The following ITPR3 variants were observed in gnomAD, a reference collection of about 807,000 sequenced individuals.
ITPR3 encodes inositol 1,4,5-trisphosphate-gated calcium channel ITPR3.
A neutral mutation model predicts 293.2 loss-of-function variants in ITPR3; 173 were observed. The ratio of observed to expected loss-of-function variants is 0.59; its 90% CI spans 0.52 to 0.67. The LOEUF is 0.67. Ranked by LOEUF, ITPR3 falls within the 30% of genes least tolerant of loss-of-function variation. The pLI is 0.00. For synonymous variants in ITPR3, 1,295 were observed against 1,444.4 expected, an observed-to-expected ratio of 0.90 and a Z score of 2.35; for missense variants, 2,796 against 3,592.1, an observed-to-expected ratio of 0.78 and a Z score of 5.66.
intron 1 of ITPR3, among the ~76,000 whole-genome samples, chr6:33,639,541 G>C (rs1482072612): frequency 6.6e-6 from 1 of 152,198 alleles, no homozygotes; most frequent in African/African-American, 2.4e-5. Flanking sequence ...CAAGCCCCTT[G>C]CTGGCAAGTT....
chr6:33,675,012 G>A lies in ITPR3; in HGVS notation c.3117-679G>A, dbSNP rs958725990. On this transcript the variant is annotated intron_variant, in intron 24 of 57. Transcript: ENST00000605930. This position sits in a 1 kb window ranked among gnomAD's most constrained non-coding sequence, Gnocchi z 5.0. ...ATATTTCCTCACTGAAGGAAATGCT[G>A]TATTTTGGTTAGAGGTTGGGAAAAA... Among the ~76,000 whole-genome samples, 1 of 152,170 alleles carries A rather than the reference G, an allele frequency of 6.6e-6. No homozygotes were observed. Among genetic ancestry groups the A allele is most frequent in the Non-Finnish European group, 1.5e-5 (1 of 68,026 alleles).
Position 33,638,157 on chromosome 6 carries a change from C to T in ITPR3, c.90-2327C>T, listed in dbSNP as rs543461856. Among the ~76,000 whole-genome samples, 295 of 152,188 alleles carry T rather than the reference C, an allele frequency of 1.9e-3. 2 individuals carry two copies. Among genetic ancestry groups the T allele is most frequent in the African/African-American group, 6.8e-3 (281 of 41,510 alleles). ...TGTAGCTGGGATTACAGGCGCGCAC[C>T]GCCACGCCCAGCTAATTTTTGTATT... On this transcript the variant is annotated intron_variant, in intron 1 of 57. Transcript: ENST00000605930. This position sits in a 1 kb window ranked among gnomAD's most constrained non-coding sequence, Gnocchi z 4.3.
Position 33,687,626 on chromosome 6 carries a change from C to T in ITPR3, c.6264+62C>T. ...CCTGGAACCCAGGGAGGACACTTGA[C>T]CCAAGGGCGTGGCCTGGAACAGAGT... On this transcript the variant is annotated intron_variant, in intron 46 of 57. Coordinates refer to ENST00000605930, the MANE Select transcript of ITPR3 (RefSeq NM_002224.4). The surrounding 1 kb of genome is among the most constrained non-coding windows in gnomAD (Gnocchi z 5.3). 1 of 1,354,578 alleles carries T rather than the reference C, an allele frequency of 7.4e-7. No individual in the cohort carries two copies. Among genetic ancestry groups the T allele is most frequent in the Non-Finnish European group, 1.0e-6 (1 of 960,800 alleles). 83.9% of individuals were successfully genotyped at this position (1,354,578 alleles called of 1,614,324 possible).
At chr6:33,623,326 G>GTT (rs60711686) in intron 1 of ITPR3, among the ~76,000 whole-genome samples, 65 of 137,408 alleles carry the variant, frequency 4.7e-4, no homozygotes, top group African/African-American at 5.2e-4. Flanking sequence ...TGTGAGTTTT[G>GTT]TTTTTTTTTT....
intron 2 of ITPR3, 102 bp downstream of exon 2, chr6:33,640,656 G>T: frequency 1.0e-6 from 1 of 976,018 alleles, no homozygotes; most frequent in Non-Finnish European, 1.5e-6. Context: ...GGCTGGATTA[G>T]ATGTGGCGCT....
In ITPR3 at chr6:33,624,507, A is replaced by T. The variant is rs1488546602; in HGVS notation, c.89+2816A>T. 6.6e-6 allele frequency among the ~76,000 whole-genome samples: 1 copy of T among 152,186 alleles called. No individual in the cohort carries two copies. The highest frequency in any genetic ancestry group is 1.5e-5 in the Non-Finnish European group (1 of 68,038). The stretch of plus-strand genomic sequence containing the variant: ...GAATGAGAATCTGCATTTTATTAAG[A>T]TCCCCAGGGGACTGGTGCATTAAAG... On this transcript the variant is annotated intron_variant, in intron 1 of 57. Coordinates refer to ENST00000605930, the MANE Select transcript of ITPR3 (RefSeq NM_002224.4). The surrounding 1 kb of genome is among the most constrained non-coding windows in gnomAD (Gnocchi z 4.7).
At chr6:33,671,050 C>G in intron 20 of ITPR3, 115 bp from the exon 21 acceptor site, 2 of 1,512,660 alleles carry the variant, frequency 1.3e-6, no homozygotes, top group Non-Finnish European at 1.8e-6. Context: ...CTGGGAACCC[C>G]GTCCTCATGA....
At chr6:33,653,597 C>CA (rs1392217163) in intron 2 of ITPR3, among the ~76,000 whole-genome samples, 1 of 152,054 alleles carries the variant, frequency 6.6e-6, no homozygotes, top group African/African-American at 2.4e-5. Context: ...TAAATCCATG[C>CA]AAAAAAATTT....
chr6:33,680,315 C>T lies in ITPR3; in HGVS notation c.4225-14C>T, dbSNP rs80110068. The T allele has an allele frequency of 1.4e-4, 227 of 1,609,696 alleles. 1 individual carries two copies. The African/African-American group carries it at 2.4e-3, about 17-fold the overall frequency. ...GGCCCTGCTTGCGCCCCTGACCTCC[C>T]GCCCACTGCCCAGGTGAAAATGGCC... On this transcript the variant is annotated splice_polypyrimidine_tract_variant and intron_variant, in intron 31 of 57. Coordinates refer to ENST00000605930, the MANE Select transcript of ITPR3 (RefSeq NM_002224.4).
chr6:33,623,499 T>C (rs997636559), intron 1 of ITPR3, among the ~76,000 whole-genome samples: 1 of 151,804 alleles, frequency 6.6e-6, no homozygotes, highest in South Asian at 2.1e-4. Context: ...CTAATTTTTG[T>C]ATTTTTTTTG....
intron 1 of ITPR3, among the ~76,000 whole-genome samples, chr6:33,626,056 G>A (rs776575541): frequency 1.4e-4 from 22 of 151,954 alleles, no homozygotes; most frequent in Admixed American, 4.6e-4. Context: ...CAACTCAGCC[G>A]CCCGAGTAGC....
intron 24 of ITPR3, 85 bp downstream of exon 24, chr6:33,674,350 G>A (rs1342835704): frequency 1.5e-6 from 2 of 1,338,844 alleles, no homozygotes; most frequent in African/African-American, 1.4e-5. Context: ...CCTGGGCTGG[G>A]GGCTGGCTCT....
chr6:33,678,759 C>A lies in ITPR3; in HGVS notation c.3892C>A (p.Gln1298Lys). The A allele has an allele frequency of 6.2e-7, 1 of 1,613,552 alleles. No individual in the cohort carries two copies. Among genetic ancestry groups the A allele is most frequent in the African/African-American group, 1.3e-5 (1 of 75,032 alleles). ...HLLATHGRHV[Q>K]YLDFLHTVIK... Reference sequence around the variant, plus strand: ...GCTGGCCACGCACGGGCGCCATGTGCAGTACCTGGACTTCCTGCACACCGT... The same window carrying A: ...GCTGGCCACGCACGGGCGCCATGTGAAGTACCTGGACTTCCTGCACACCGT... Residue 1298 changes from glutamine (Q) to lysine (K), a missense_variant, in exon 30 of 58, where the codon CAG becomes AAG. Coordinates refer to ENST00000605930, the MANE Select transcript of ITPR3 (RefSeq NM_002224.4).
intron 49 of ITPR3, 128 bp from the exon 50 acceptor site, chr6:33,689,109 TA>T: frequency 8.8e-7 from 1 of 1,131,932 alleles, no homozygotes; most frequent in Non-Finnish European, 1.3e-6. Flanking sequence ...TGGAGGAGGC[TA>T]AAACCAGGCA....
rs764845949 is a variant in ITPR3 at position 33,672,033 on chromosome 6, G to T, written c.2733G>T (p.Lys911Asn). ...MLQAYEDPGG[K>N]NVRRSIQGVG... Reference sequence around the variant, plus strand: ...CCTCTGCTTCCCCCTCCACAGGCAAGAATGTGCGGCGGTCCATCCAGGGCG... The same window carrying T: ...CCTCTGCTTCCCCCTCCACAGGCAATAATGTGCGGCGGTCCATCCAGGGCG... Residue 911 changes from lysine (K) to asparagine (N), a missense_variant, in exon 22 of 58, where the codon AAG becomes AAT. By Grantham distance (94) the Lys-to-Asn change is moderately conservative. Around this residue, in one of 8 missense-constraint regions of ITPR3, gnomAD observed 955 missense variants for 1,180.8 expected, o/e 0.81. Coordinates refer to ENST00000605930, the MANE Select transcript of ITPR3 (RefSeq NM_002224.4). The surrounding 1 kb of genome is among the most constrained non-coding windows in gnomAD (Gnocchi z 5.0). 4 of 1,600,290 alleles carry T rather than the reference G, an allele frequency of 2.5e-6. No individual in the cohort carries two copies.
At position 33,632,263 on chromosome 6, in the gene ITPR3, C is replaced by A. The variant is rs1055666147; in HGVS notation, c.90-8221C>A. 4.6e-5 allele frequency among the ~76,000 whole-genome samples: 7 copies of A among 152,118 alleles called. No individual in the cohort carries two copies. The highest frequency in any genetic ancestry group is 8.8e-5 in the Non-Finnish European group (6 of 68,014). On this transcript the variant is annotated intron_variant, in intron 1 of 57. Transcript: ENST00000605930. This position sits in a 1 kb window ranked among gnomAD's most constrained non-coding sequence, Gnocchi z 4.1. ...GGGGGGAGGGTTGTTCAGGGTCCCT[C>A]GGGGATTTCCCCAGTCTGTCATTCC...
Position 33,688,341 on chromosome 6 carries a change from G to A in ITPR3, c.6478G>A (p.Glu2160Lys), listed in dbSNP as rs369789046. The change falls in exon 48 of 58, where the codon GAG becomes AAG. Residue 2160 changes from glutamate to lysine, a missense_variant. Glu to Lys is a moderately conservative substitution (Grantham distance 56). This residue lies in a region of ITPR3 where 568 missense variants were observed against 796.1 expected (regional missense o/e 0.71). Coordinates refer to ENST00000605930, the MANE Select transcript of ITPR3 (RefSeq NM_002224.4). ...ETKHRLFTTT[E>K]QDEQGSKVSD... ...CAAGCACCGGCTCTTCACCACTACT[G>A]AGCAGGACGAGCAGGGCAGCAAAGT... 1 of 1,613,950 alleles carries A rather than the reference G, an allele frequency of 6.2e-7. No homozygotes were observed. Among genetic ancestry groups the A allele is most frequent in the African/African-American group, 1.3e-5 (1 of 74,986 alleles).
At chr6:33,659,216 C>T (rs1386452119) in intron 6 of ITPR3, 97 bp downstream of exon 6, 15 of 1,173,438 alleles carry the variant, frequency 1.3e-5, no homozygotes, top group Admixed American at 1.8e-5. Context: ...TGCCTCCAGC[C>T]CCATCTGACC....
Position 33,621,788 on chromosome 6 carries a change from G to A in ITPR3, c.89+97G>A, listed in dbSNP as rs1470220046. On this transcript the variant is annotated intron_variant, in intron 1 of 57. Transcript: ENST00000605930. This position sits in a 1 kb window ranked among gnomAD's most constrained non-coding sequence, Gnocchi z 7.7. The stretch of plus-strand genomic sequence containing the variant: ...GTCCAGCCGCCGCCCCCCGATAGAG[G>A]CCTGGACGTCCCCCTAGTCTCAAGG... 1 of 851,518 alleles carries A rather than the reference G, an allele frequency of 1.2e-6. No individual in the cohort carries two copies. Among genetic ancestry groups the A allele is most frequent in the East Asian group, 2.7e-5 (1 of 36,640 alleles). 52.7% of individuals were successfully genotyped at this position (851,518 alleles called of 1,614,324 possible).
Sources: allele counts gnomAD v4.1 joint callset (sites outside exome capture counted in the v4.1 genomes callset), GRCh38; gene constraint gnomAD v4.1.1; regional missense constraint gnomAD v4.1.1; non-coding constraint Gnocchi (gnomAD v3.1); transcripts MANE v1.5; gene names NCBI Gene and HGNC (gene_info 2026-07-23, HGNC 2026-07-21).